The following SLC17A8 variants were observed in gnomAD, a reference collection of about 807,000 sequenced individuals.
SLC17A8 encodes the protein solute carrier family 17 member 8, also known as vesicular glutamate transporter 3.
In SLC17A8, 31 loss-of-function variants were observed where a neutral mutation model predicts 58.0. The observed-to-expected ratio is 0.53, with a 90% CI of 0.40 to 0.72. The LOEUF (loss-of-function observed/expected upper bound fraction) is 0.72. SLC17A8 is among the 30% of genes least tolerant of loss of function. SLC17A8 has a pLI of 0.00. For synonymous variants in SLC17A8, 228 were observed against 249.0 expected, an observed-to-expected ratio of 0.92 and a Z score of 0.79; for missense variants, 655 against 727.8, an observed-to-expected ratio of 0.90 and a Z score of 1.15.
chr12:100,363,334 C>A (rs1312143858), intron 1 of SLC17A8, among the ~76,000 whole-genome samples: 2 of 152,114 alleles, frequency 1.3e-5, no homozygotes, highest in Admixed American at 1.3e-4. Flanking sequence ...GTGTTCTGCC[C>A]ACTGGGCACA....
At chr12:100,402,176 G>C (rs1593003040) in intron 6 of SLC17A8, among the ~76,000 whole-genome samples, 164 bp from the exon 7 acceptor site, 1 of 151,948 alleles carries the variant, frequency 6.6e-6, no homozygotes, top group African/African-American at 2.4e-5. Context: ...GTGATAATTG[G>C]GTGTTCACGT....
chr12:100,415,842 C>A (rs112277929), intron 10 of SLC17A8, among the ~76,000 whole-genome samples: 1 of 152,104 alleles, frequency 6.6e-6, no homozygotes, highest in Non-Finnish European at 1.5e-5. Flanking sequence ...TTTAACTTGC[C>A]GAGTGAAGTG....
At chr12:100,419,629 G>T (rs534718244) in intron 11 of SLC17A8, among the ~76,000 whole-genome samples, 186 bp from the exon 12 acceptor site, 1 of 151,942 alleles carries the variant, frequency 6.6e-6, no homozygotes, top group East Asian at 1.9e-4. Context: ...CATTTTTTAA[G>T]TTTTTCTTTT....
rs1445047747 is a variant in SLC17A8 at position 100,420,387 on chromosome 12, A to G, written c.*228A>G. Reference sequence around the variant, plus strand: ...TACATATTTTTTGAATTGACAGTTGACCCTTCTCTCAAAGAGCTAAACTTA... The same window carrying G: ...TACATATTTTTTGAATTGACAGTTGGCCCTTCTCTCAAAGAGCTAAACTTA... On this transcript the variant is annotated 3_prime_UTR_variant, in exon 12 of 12. Coordinates refer to ENST00000323346, the MANE Select transcript of SLC17A8 (RefSeq NM_139319.3). 2.0e-6 allele frequency: 1 copy of G among 511,504 alleles called. No individual in the cohort carries two copies. The highest frequency in any genetic ancestry group is 3.2e-5 in the East Asian group (1 of 30,908). 31.7% of individuals were successfully genotyped at this position (511,504 alleles called of 1,614,324 possible). A position where few individuals can be genotyped will look rare whatever the true frequency, so the allele number is the denominator to read the frequency against.
chr12:100,383,872 A>T (rs1274618641), intron 2 of SLC17A8, among the ~76,000 whole-genome samples: 5 of 151,898 alleles, frequency 3.3e-5, no homozygotes, highest in Non-Finnish European at 2.9e-5. Context: ...TTAGCTAATT[A>T]AAAAAAATTT....
intron 3 of SLC17A8, 78 bp downstream of exon 3, chr12:100,391,197 C>T (rs1455275056): frequency 4.0e-6 from 4 of 1,008,038 alleles, no homozygotes; most frequent in South Asian, 2.6e-5. Flanking sequence ...AGCTGGCTCT[C>T]AATTTGGGGG....
At chr12:100,383,851 T>A (rs1304398438) in intron 2 of SLC17A8, among the ~76,000 whole-genome samples, 4 of 151,746 alleles carry the variant, frequency 2.6e-5, no homozygotes, top group African/African-American at 9.7e-5. Context: ...CACAGGCTCA[T>A]GCCACCATTC....
chr12:100,389,370 G>A (rs1414580294), intron 2 of SLC17A8, among the ~76,000 whole-genome samples: 1 of 152,156 alleles, frequency 6.6e-6, no homozygotes, highest in Non-Finnish European at 1.5e-5. Flanking sequence ...CTATGGATAG[G>A]TAGAATGGGC....
intron 11 of SLC17A8, among the ~76,000 whole-genome samples, chr12:100,419,487 C>T (rs1183382665): frequency 1.3e-5 from 2 of 150,600 alleles, no homozygotes; most frequent in Non-Finnish European, 1.5e-5. Flanking sequence ...GAGCCGAGAT[C>T]GCGCCACTGC....
chr12:100,374,343 G>T (rs1303260057), intron 1 of SLC17A8, among the ~76,000 whole-genome samples: 1 of 152,180 alleles, frequency 6.6e-6, no homozygotes, highest in Non-Finnish European at 1.5e-5. Context: ...CAGGCATAGT[G>T]GTTCACACCT....
chr12:100,401,946 A>C, intron 6 of SLC17A8, 83 bp downstream of exon 6: 1 of 1,040,442 alleles, frequency 9.6e-7, no homozygotes. Context: ...AGAGTTCATT[A>C]CATCAAAATA....
At chr12:100,417,899 G>A in intron 10 of SLC17A8, 130 bp from the exon 11 acceptor site, 1 of 1,104,172 alleles carries the variant, frequency 9.1e-7, no homozygotes. Context: ...CAGTCCTCTT[G>A]GTCTGGAAAC....
intron 1 of SLC17A8, among the ~76,000 whole-genome samples, chr12:100,373,812 C>T (rs917049051): frequency 6.6e-6 from 1 of 151,914 alleles, no homozygotes; most frequent in Non-Finnish European, 1.5e-5. Context: ...TGGTCTCGAA[C>T]CCCTAATTTC....
At chr12:100,384,517 C>A (rs1206415165) in intron 2 of SLC17A8, among the ~76,000 whole-genome samples, 5 of 152,152 alleles carry the variant, frequency 3.3e-5, no homozygotes, top group Admixed American at 3.3e-4. Context: ...GCAAGAGAAT[C>A]CTGGCAGTTG....
Position 100,357,177 on chromosome 12 carries a change from TGGAGGGGTGG to T in SLC17A8, c.-210_-201del. On this transcript the variant is annotated 5_prime_UTR_variant, in exon 1 of 12. Transcript: ENST00000323346. ...GCCAGACACCCCTTGGACTCTTTTT[TGGAGGGGTGG>T]GGAGCAGAGAGAGGAGGGAGTTGTC... The T allele has an allele frequency of 1.9e-6, 1 of 521,152 alleles. No individual in the cohort carries two copies. The highest frequency in any genetic ancestry group is 2.0e-5 in the South Asian group (1 of 50,036). 32.3% of individuals were successfully genotyped at this position (521,152 alleles called of 1,614,324 possible). A position where few individuals can be genotyped will look rare whatever the true frequency, so the allele number is the denominator to read the frequency against.
chr12:100,412,767 C>T lies in SLC17A8; in HGVS notation c.1187-3C>T, dbSNP rs1344432589. ...TTTTTTCCCTTGCTGTTTCCATTTG[C>T]AGGTTTTGGCATGGAGGCAACCTTA... On this transcript the variant is annotated splice_polypyrimidine_tract_variant and splice_region_variant and intron_variant, in intron 9 of 11. Transcript: ENST00000323346. 3.1e-6 allele frequency: 5 copies of T among 1,606,918 alleles called. No homozygotes were observed. The highest frequency in any genetic ancestry group is 3.3e-5 in the Admixed American group (2 of 59,974).
At chr12:100,397,474 A>T (rs115360889) in intron 5 of SLC17A8, among the ~76,000 whole-genome samples, 10 of 152,212 alleles carry the variant, frequency 6.6e-5, no homozygotes, top group East Asian at 1.9e-4. Flanking sequence ...TAATTCCTGC[A>T]TCTCCAAACT....
intron 1 of SLC17A8, among the ~76,000 whole-genome samples, chr12:100,358,060 C>T (rs1415612915): frequency 6.6e-6 from 1 of 152,100 alleles, no homozygotes; most frequent in Admixed American, 6.5e-5. Context: ...ATGTTAAGTA[C>T]TATCACTGAA....
chr12:100,394,646 G>A lies in SLC17A8; in HGVS notation c.588+1163G>A, dbSNP rs1300864476. On this transcript the variant is annotated intron_variant, in intron 4 of 11. Transcript: ENST00000323346. ...TTGAACTCCTGACCTCAGGTGATCC[G>A]CCCACCTCAGCCTCCCAAAATGCTG... Among the ~76,000 whole-genome samples, 10 of 149,882 alleles carry A rather than the reference G, an allele frequency of 6.7e-5. No homozygotes were observed. In the East Asian group the frequency reaches 1.2e-3, roughly 18 times the overall value.
Sources: allele counts gnomAD v4.1 joint callset (sites outside exome capture counted in the v4.1 genomes callset), GRCh38; gene constraint gnomAD v4.1.1; transcripts MANE v1.5; gene names NCBI Gene and HGNC (gene_info 2026-07-23, HGNC 2026-07-21).